Variants in NTRK3 observed in about 807,000 individuals in gnomAD.
NTRK3 encodes NT-3 growth factor receptor.
Under a neutral mutation model 91.7 loss-of-function variants are expected in NTRK3, and 24 were observed. The ratio of observed to expected loss-of-function variants is 0.26; its 90% CI spans 0.19 to 0.37. NTRK3 has a LOEUF of 0.37. Ranked by LOEUF, NTRK3 falls within the 10% of genes least tolerant of loss-of-function variation. NTRK3 has a pLI of 1.00. For missense variants in NTRK3, 880 were observed against 1,068.9 expected (o/e 0.82, Z 2.46); for synonymous variants, 483 against 404.0 (o/e 1.20, Z -2.34).
intron 14 of NTRK3, among the ~76,000 whole-genome samples, chr15:87,953,373 A>C (rs1278078453): frequency 6.6e-6 from 1 of 152,134 alleles, no homozygotes; most frequent in Non-Finnish European, 1.5e-5. Flanking sequence ...GGTGCTTTGG[A>C]CCAGAAGACG....
chr15:87,902,342 G>C (rs189268629), intron 17 of NTRK3, among the ~76,000 whole-genome samples: 6 of 152,324 alleles, frequency 3.9e-5, no homozygotes, highest in Non-Finnish European at 8.8e-5. Flanking sequence ...TCCCTGACGA[G>C]GACAAGCCTT....
chr15:87,970,282 A>G (rs758080103), intron 14 of NTRK3, among the ~76,000 whole-genome samples: 1 of 152,156 alleles, frequency 6.6e-6, no homozygotes, highest in Non-Finnish European at 1.5e-5. Context: ...ATGTGAAATG[A>G]CTTACCATTT....
intron 14 of NTRK3, among the ~76,000 whole-genome samples, chr15:87,957,532 T>G (rs574663735): frequency 9.9e-5 from 15 of 152,234 alleles, no homozygotes; most frequent in Non-Finnish European, 1.6e-4. Context: ...GTGGTAGGAT[T>G]GCATAAGATC....
At chr15:88,068,764 G>A (rs781368761) in intron 13 of NTRK3, among the ~76,000 whole-genome samples, 1 of 152,116 alleles carries the variant, frequency 6.6e-6, no homozygotes, top group Non-Finnish European at 1.5e-5. Context: ...GTCAAAGCAG[G>A]CAGAGCAAGA....
intron 14 of NTRK3, among the ~76,000 whole-genome samples, chr15:87,992,859 G>A (rs971197219): frequency 6.6e-6 from 1 of 152,194 alleles, no homozygotes; most frequent in African/African-American, 2.4e-5. Context: ...AAATCCAACA[G>A]CTCTCTCTAT....
intron 13 of NTRK3, among the ~76,000 whole-genome samples, chr15:88,116,117 T>C (rs1228934409): frequency 2.0e-5 from 3 of 152,158 alleles, no homozygotes; most frequent in Admixed American, 1.3e-4. Context: ...GCAACAGTGT[T>C]GATTGACCTG....
At chr15:88,128,465 C>T (rs939517065) in intron 11 of NTRK3, among the ~76,000 whole-genome samples, 4 of 152,190 alleles carry the variant, frequency 2.6e-5, no homozygotes, top group Non-Finnish European at 4.4e-5. Context: ...AGATCCACAA[C>T]ATCATCAGAC....
chr15:88,061,820 G>A (rs1007569119), intron 13 of NTRK3, among the ~76,000 whole-genome samples: 3 of 152,152 alleles, frequency 2.0e-5, no homozygotes, highest in African/African-American at 7.2e-5. Flanking sequence ...GGCACTCAGA[G>A]CTGGGCTTGG....
intron 5 of NTRK3, among the ~76,000 whole-genome samples, chr15:88,154,867 C>A (rs2043741783): frequency 6.6e-6 from 1 of 152,176 alleles, no homozygotes; most frequent in Non-Finnish European, 1.5e-5. Flanking sequence ...AAGGACCTGG[C>A]AAACTGTGTC....
chr15:88,117,544 G>A (rs952185343), intron 13 of NTRK3, among the ~76,000 whole-genome samples: 1 of 152,218 alleles, frequency 6.6e-6, no homozygotes, highest in African/African-American at 2.4e-5. Flanking sequence ...AGGAAGCAGA[G>A]CTAGCTTCGT....
intron 17 of NTRK3, among the ~76,000 whole-genome samples, chr15:87,911,604 C>T (rs909795064): frequency 3.3e-5 from 5 of 152,190 alleles, no homozygotes; most frequent in Admixed American, 6.5e-5. Flanking sequence ...AATCTTGCCA[C>T]CCCTGTGGGT....
chr15:88,124,050 G>A (rs2053024251), intron 13 of NTRK3, among the ~76,000 whole-genome samples: 1 of 152,108 alleles, frequency 6.6e-6, no homozygotes, highest in African/African-American at 2.4e-5. Flanking sequence ...TCGGATGGTT[G>A]GGGGGCTTAG....
At chr15:87,930,610 G>C (rs2068711729) in intron 16 of NTRK3, among the ~76,000 whole-genome samples, 1 of 152,152 alleles carries the variant, frequency 6.6e-6, no homozygotes, top group African/African-American at 2.4e-5. Flanking sequence ...CCAATATGGA[G>C]ATGTGAGAGC....
At chr15:87,917,010 C>T (rs927137212) in intron 17 of NTRK3, among the ~76,000 whole-genome samples, 6 of 152,196 alleles carry the variant, frequency 3.9e-5, no homozygotes, top group African/African-American at 1.2e-4. Context: ...GTGATCCCCC[C>T]GCCTGGGCCA....
At chr15:87,966,313 C>T (rs2072788579) in intron 14 of NTRK3, among the ~76,000 whole-genome samples, 1 of 152,194 alleles carries the variant, frequency 6.6e-6, no homozygotes, top group South Asian at 2.1e-4. Context: ...ATAAATAAGG[C>T]ATGTCTTATC....
chr15:87,980,299 T>C (rs2074111035), intron 14 of NTRK3, among the ~76,000 whole-genome samples: 1 of 152,172 alleles, frequency 6.6e-6, no homozygotes, highest in Non-Finnish European at 1.5e-5. Context: ...CTACAGATTT[T>C]AAAAGTGTGT....
At chr15:87,940,656 G>A (rs1381951189) in exon 15 of NTRK3, 1 of 1,614,038 alleles carries the variant, frequency 6.2e-7, no homozygotes, top group East Asian at 2.2e-5. Flanking sequence ...CCTTGGTCGG[G>A]CTGAGGTTGT....
intron 5 of NTRK3, among the ~76,000 whole-genome samples, chr15:88,182,613 G>A (rs1407028283): frequency 6.6e-6 from 1 of 152,150 alleles, no homozygotes; most frequent in Non-Finnish European, 1.5e-5. Context: ...TGTCCGAGAT[G>A]GCCACTATCC....
chr15:88,164,350 A>G (rs543560414), intron 5 of NTRK3, among the ~76,000 whole-genome samples: 1 of 152,338 alleles, frequency 6.6e-6, no homozygotes, highest in South Asian at 2.1e-4. Context: ...AGTATTTGCA[A>G]GAAAGGCCAG....
Sources: allele counts gnomAD v4.1 joint callset (sites outside exome capture counted in the v4.1 genomes callset), GRCh38; gene constraint gnomAD v4.1.1; transcripts MANE v1.5; gene names NCBI Gene and HGNC (gene_info 2026-07-23, HGNC 2026-07-21).